ANKIB1: variants seen among roughly 807,000 people sequenced by gnomAD.
ANKIB1 encodes the protein ankyrin repeat and IBR domain containing 1, also known as ankyrin repeat and IBR domain-containing protein 1.
In ANKIB1, 43 loss-of-function variants were observed where a neutral mutation model predicts 122.1. The ratio of observed to expected loss-of-function variants is 0.35; its 90% confidence interval spans 0.28 to 0.45. ANKIB1 has a LOEUF of 0.45. Ranked by LOEUF, ANKIB1 falls within the 20% of genes least tolerant of loss-of-function variation. ANKIB1 has a pLI of 1.00. For synonymous variants in ANKIB1, 390 were observed against 442.0 expected, an observed-to-expected ratio of 0.88 and a Z score of 1.48; for missense variants, 992 against 1,329.5, an observed-to-expected ratio of 0.75 and a Z score of 3.95.
rs768661776 is a variant in ANKIB1, at chr7:92,343,056, A to T, written c.820A>T (p.Met274Leu). Residue 274 changes from methionine (M) to leucine (L), a missense_variant, in exon 6 of 20, where the codon ATG (methionine) becomes TTG (leucine). Physicochemically the swap from Met to Leu is conservative, Grantham distance 15. Around this residue, in one of 4 missense-constraint regions of ANKIB1, gnomAD observed 521 missense variants for 777.7 expected, o/e 0.67. Coordinates refer to ENST00000265742, the MANE Select transcript of ANKIB1 (RefSeq NM_019004.2). ...WDREKLLEAWMSNPENCCQRS... is the reference protein window; with the variant it reads ...WDREKLLEAWLSNPENCCQRS... ...CAGGGAGAAATTACTTGAAGCTTGGATGTCCAACCCGGAGAACTGCTGCCA... is the reference window on the plus strand; with the variant it reads ...CAGGGAGAAATTACTTGAAGCTTGGTTGTCCAACCCGGAGAACTGCTGCCA... 9 of 1,613,746 alleles carry T rather than the reference A, an allele frequency of 5.6e-6. No individual in the cohort carries two copies. Among genetic ancestry groups the T allele is most frequent in the Non-Finnish European group, 7.6e-6 (9 of 1,179,864 alleles).
rs1804802010 is a variant in ANKIB1, at chr7:92,392,299, G to A, written c.2283+7G>A. Reference sequence around the variant, plus strand: ...AGGATTTGCATCACCAGAGGTAATTGTTTTATGGGGTTTTTGTTTTTGTAT... The same window carrying A: ...AGGATTTGCATCACCAGAGGTAATTATTTTATGGGGTTTTTGTTTTTGTAT... On this transcript the variant is annotated splice_region_variant and intron_variant, in intron 17 of 19. Coordinates refer to ENST00000265742, the MANE Select transcript of ANKIB1 (RefSeq NM_019004.2). The A allele has an allele frequency of 6.2e-7, 1 of 1,608,660 alleles. No homozygotes were observed. Among genetic ancestry groups the A allele is most frequent in the African/African-American group, 1.3e-5 (1 of 74,738 alleles).
At chr7:92,264,161 G>GT (rs532523170) in intron 1 of ANKIB1, among the ~76,000 whole-genome samples, 4,494 of 136,720 alleles carry the variant, frequency 0.033, 71 homozygotes, top group Middle Eastern at 0.056. Context: ...TTTCGTCGTC[G>GT]TTTTTTTTTT....
intron 5 of ANKIB1, among the ~76,000 whole-genome samples, chr7:92,334,811 A>C (rs1803252558): frequency 6.6e-6 from 1 of 151,994 alleles, no homozygotes; most frequent in Non-Finnish European, 1.5e-5. Context: ...TAATCTCATT[A>C]TATAAACATA....
chr7:92,254,529 A>G (rs1342181640), intron 1 of ANKIB1, among the ~76,000 whole-genome samples: 2 of 152,128 alleles, frequency 1.3e-5, no homozygotes, highest in African/African-American at 4.8e-5. Context: ...ATGAGTTTTA[A>G]AAAAAAGTTT....
At chr7:92,380,016 C>T (rs1804475282) in intron 11 of ANKIB1, among the ~76,000 whole-genome samples, 1 of 152,162 alleles carries the variant, frequency 6.6e-6, no homozygotes, top group African/African-American at 2.4e-5. Context: ...ACAGGCTGTA[C>T]CGGGAAAATC....
chr7:92,332,520 A>G (rs1339086506), intron 5 of ANKIB1, among the ~76,000 whole-genome samples: 1 of 152,248 alleles, frequency 6.6e-6, no homozygotes, highest in Non-Finnish European at 1.5e-5. Flanking sequence ...GGACTATGTT[A>G]GGAATACAAA....
intron 14 of ANKIB1, among the ~76,000 whole-genome samples, 162 bp downstream of exon 14, chr7:92,388,203 G>A (rs1804706338): frequency 6.6e-6 from 1 of 152,174 alleles, no homozygotes; most frequent in African/African-American, 2.4e-5. Flanking sequence ...AGCAGATGAG[G>A]CCTCTGTGAT....
chr7:92,289,281 A>G (rs117630786), intron 1 of ANKIB1, among the ~76,000 whole-genome samples: 3,520 of 152,276 alleles, frequency 0.023, 59 homozygotes, highest in Non-Finnish European at 0.036. Context: ...AAGCTTAAAA[A>G]CCTGCACACA....
intron 4 of ANKIB1, among the ~76,000 whole-genome samples, chr7:92,321,036 T>C (rs1342268341): frequency 1.3e-5 from 2 of 152,158 alleles, no homozygotes; most frequent in Non-Finnish European, 2.9e-5. Context: ...CGCAGTTATT[T>C]TTTGCCGTTC....
At chr7:92,339,003 ATG>A (rs1431182466) in intron 5 of ANKIB1, among the ~76,000 whole-genome samples, 1 of 118,270 alleles carries the variant, frequency 8.5e-6, no homozygotes, top group Non-Finnish European at 1.7e-5. Flanking sequence ...CTTTATGCTT[ATG>A]CAAGGACACA....
At chr7:92,260,253 A>G (rs975970680) in intron 1 of ANKIB1, among the ~76,000 whole-genome samples, 13 of 152,170 alleles carry the variant, frequency 8.5e-5, no homozygotes, top group African/African-American at 3.1e-4. Context: ...CTACAGTAAC[A>G]CTGGCCTCCT....
At chr7:92,380,150 C>G (rs968331289) in intron 11 of ANKIB1, among the ~76,000 whole-genome samples, 1 of 152,186 alleles carries the variant, frequency 6.6e-6, no homozygotes, top group African/African-American at 2.4e-5. Flanking sequence ...ACTGCTATTC[C>G]GAGATCTAAC....
intron 11 of ANKIB1, 106 bp downstream of exon 11, chr7:92,371,713 C>G: frequency 7.7e-7 from 1 of 1,300,310 alleles, no homozygotes; most frequent in Non-Finnish European, 1.0e-6. Flanking sequence ...TGCAGTGGCT[C>G]TTGCCTATAA....
chr7:92,336,602 A>G (rs7804001), intron 5 of ANKIB1, among the ~76,000 whole-genome samples: 5,181 of 152,164 alleles, frequency 0.034, 253 homozygotes, highest in African/African-American at 0.11. Flanking sequence ...TGGAGAGTCT[A>G]TATCCAGAAT....
At chr7:92,320,140 T>G (rs766618532) in intron 4 of ANKIB1, among the ~76,000 whole-genome samples, 1 of 152,182 alleles carries the variant, frequency 6.6e-6, no homozygotes, top group Non-Finnish European at 1.5e-5. Context: ...ACAAACATGC[T>G]TTGGTAGATC....
intron 5 of ANKIB1, among the ~76,000 whole-genome samples, chr7:92,338,444 A>T (rs1197387536): frequency 2.0e-5 from 3 of 151,570 alleles, no homozygotes; most frequent in Non-Finnish European, 4.4e-5. Flanking sequence ...TTAAAAAAAG[A>T]TTAGGAAATT....
intron 1 of ANKIB1, among the ~76,000 whole-genome samples, chr7:92,282,880 T>C (rs1434782839): frequency 6.6e-6 from 1 of 152,176 alleles, no homozygotes; most frequent in Non-Finnish European, 1.5e-5. Flanking sequence ...AATAAAAAAG[T>C]AAGAGTCATG....
intron 1 of ANKIB1, among the ~76,000 whole-genome samples, chr7:92,292,682 A>G (rs1802275017): frequency 6.6e-6 from 1 of 152,262 alleles, no homozygotes; most frequent in African/African-American, 2.4e-5. Flanking sequence ...CAATAAAAGT[A>G]TAATATTTTA....
At chr7:92,278,604 G>A (rs1585084810) in intron 1 of ANKIB1, among the ~76,000 whole-genome samples, 1 of 152,144 alleles carries the variant, frequency 6.6e-6, no homozygotes, top group Admixed American at 6.5e-5. Flanking sequence ...ATCCCAAAAG[G>A]TTGAGTGCAA....
Sources: allele counts gnomAD v4.1 joint callset (sites outside exome capture counted in the v4.1 genomes callset), GRCh38; gene constraint gnomAD v4.1.1; regional missense constraint gnomAD v4.1.1; transcripts MANE v1.5; gene names NCBI Gene and HGNC (gene_info 2026-07-23, HGNC 2026-07-21).